Variants in JADE1 observed in about 807,000 individuals in gnomAD.
The protein encoded by JADE1 is protein Jade-1.
Under a neutral mutation model 81.8 loss-of-function variants are expected in JADE1, and 14 were observed. That is an observed-to-expected ratio of 0.17 (90% confidence interval 0.11 to 0.27). The LOEUF (loss-of-function observed/expected upper bound fraction) is 0.27. Among genes scored for constraint, JADE1 ranks in the 10% least tolerant of loss-of-function variants. JADE1 has a pLI of 1.00. For synonymous variants in JADE1, 353 were observed against 391.9 expected (o/e 0.90, Z 1.17); for missense variants, 690 against 1,047.9 (o/e 0.66, Z 4.71).
In JADE1 at chr4:128,838,563, G is replaced by GT. The variant is rs542275635; in HGVS notation, c.53-4385dup. Among the ~76,000 whole-genome samples the GT allele has an allele frequency of 1.1e-4, 17 of 152,268 alleles. 1 individual carries two copies. In the South Asian group the frequency reaches 3.3e-3, roughly 30 times the overall value. ...CAACCCAGTGTAATCTTACCACGCGGTTTTTAACAATAGCAAGCACACTGT... is the reference window on the plus strand; with the variant it reads ...CAACCCAGTGTAATCTTACCACGCGGTTTTTTAACAATAGCAAGCACACTGT... On this transcript the variant is annotated intron_variant, in intron 2 of 10. Coordinates refer to ENST00000226319, the MANE Select transcript of JADE1 (RefSeq NM_199320.4).
Position 128,871,908 on chromosome 4 carries a change from A to C in JADE1, c.2175A>C (p.Leu725=), listed in dbSNP as rs1423603127. 6.2e-7 allele frequency: 1 copy of C among 1,613,950 alleles called. No homozygotes were observed. Among genetic ancestry groups the C allele is most frequent in the Non-Finnish European group, 8.5e-7 (1 of 1,180,010 alleles). ...TAGTGCCCAAGTGCAATGGCTCCCT[A>C]ATCAAAGTAAACTATAATCAGACTG... ...KEIVPKCNGS[L]IKVNYNQTAV... The change falls in exon 11 of 11, where the codon CTA becomes CTC. Residue 725 remains leucine, a synonymous_variant. Coordinates refer to ENST00000226319, the MANE Select transcript of JADE1 (RefSeq NM_199320.4). The surrounding 1 kb of genome is among the most constrained non-coding windows in gnomAD (Gnocchi z 4.1).
chr4:128,867,613 T>C (rs1012159889), intron 9 of JADE1, among the ~76,000 whole-genome samples: 4 of 152,206 alleles, frequency 2.6e-5, no homozygotes, highest in Non-Finnish European at 4.4e-5. Flanking sequence ...TCCCTCCCAC[T>C]CCTGTGGGTC....
chr4:128,872,678 C>T lies in JADE1; in HGVS notation c.*416C>T, dbSNP rs756362770. 40 of 275,130 alleles carry T rather than the reference C, an allele frequency of 1.5e-4. No individual in the cohort carries two copies. Among genetic ancestry groups the T allele is most frequent in the Non-Finnish European group, 6.6e-5 (9 of 135,448 alleles). The allele number at this position is 275,130 out of a possible 1,614,324, so 17.0% of individuals were successfully genotyped here. A position where few individuals can be genotyped will look rare whatever the true frequency, so the allele number is the denominator to read the frequency against. On this transcript the variant is annotated 3_prime_UTR_variant, in exon 11 of 11. Coordinates refer to ENST00000226319, the MANE Select transcript of JADE1 (RefSeq NM_199320.4). ...GAAACCCTCATGGTACCATTCACAG[C>T]CCATAAAGTTTATTTTCTAGGACTG... is the stretch of plus-strand genomic sequence containing the variant.
At chr4:128,812,576 C>T (rs1002540574) in intron 1 of JADE1, among the ~76,000 whole-genome samples, 1 of 152,222 alleles carries the variant, frequency 6.6e-6, no homozygotes, top group African/African-American at 2.4e-5. Flanking sequence ...CCCCAGGATT[C>T]CTCCCGCGCC....
chr4:128,817,551 AGCAAGTT>A (rs1727154321), intron 1 of JADE1, among the ~76,000 whole-genome samples: 1 of 152,258 alleles, frequency 6.6e-6, no homozygotes, highest in African/African-American at 2.4e-5. Context: ...CAATGTTATT[AGCAAGTT>A]GCTTGAGGTT....
chr4:128,810,542 A>C (rs545626983), intron 1 of JADE1, among the ~76,000 whole-genome samples: 55 of 150,488 alleles, frequency 3.7e-4, no homozygotes, highest in Non-Finnish European at 7.7e-4. Flanking sequence ...GACAGATGGC[A>C]ATGGCAGAAC....
Position 128,862,115 on chromosome 4 carries a change from C to T in JADE1, c.1393C>T (p.Pro465Ser). 1.2e-6 allele frequency: 2 copies of T among 1,614,162 alleles called. No homozygotes were observed. The highest frequency in any genetic ancestry group is 1.7e-6 in the Non-Finnish European group (2 of 1,180,026). The change falls in exon 9 of 11, where the codon CCC (proline) becomes TCC (serine). Residue 465 changes from proline (P) to serine (S), a missense_variant. Physicochemically the swap from Pro to Ser is moderately conservative, Grantham distance 74. Coordinates refer to ENST00000226319, the MANE Select transcript of JADE1 (RefSeq NM_199320.4). The part of the protein sequence containing the change: ...KLKRKVNFNK[P>S]LITPKKDEED... ...GAAGAGGAAGGTCAACTTCAACAAG[C>T]CCCTGATCACCCCAAAGAAAGATGA...
chr4:128,812,126 G>C (rs188257689), intron 1 of JADE1, among the ~76,000 whole-genome samples: 2 of 151,866 alleles, frequency 1.3e-5, no homozygotes, highest in African/African-American at 4.8e-5. Flanking sequence ...CTGCCGCGGC[G>C]GGGGGTGGCC....
Position 128,874,213 on chromosome 4 carries a change from A to G in JADE1, c.*1951A>G, listed in dbSNP as rs1478931190. Reference sequence around the variant, plus strand: ...AAAACCTTTTGCTGGATACAGGAGAAGGTTGGACTTTATCTACAGTTATCT... The same window carrying G: ...AAAACCTTTTGCTGGATACAGGAGAGGGTTGGACTTTATCTACAGTTATCT... On this transcript the variant is annotated 3_prime_UTR_variant, in exon 11 of 11. Coordinates refer to ENST00000226319, the MANE Select transcript of JADE1 (RefSeq NM_199320.4). 1 of 152,634 alleles carries G rather than the reference A, an allele frequency of 6.6e-6. No homozygotes were observed. Among genetic ancestry groups the G allele is most frequent in the African/African-American group, 2.4e-5 (1 of 41,452 alleles). 9.5% of individuals were successfully genotyped at this position (152,634 alleles called of 1,614,324 possible).
intron 3 of JADE1, among the ~76,000 whole-genome samples, chr4:128,844,418 C>T (rs2125852655): frequency 6.6e-6 from 1 of 152,320 alleles, no homozygotes; most frequent in South Asian, 2.1e-4. Flanking sequence ...CCAGAGACTC[C>T]AGAGTTGACG....
intron 1 of JADE1, among the ~76,000 whole-genome samples, chr4:128,827,321 A>G (rs951299166): frequency 1.3e-5 from 2 of 152,238 alleles, no homozygotes; most frequent in Non-Finnish European, 2.9e-5. Context: ...AAGTTCTAAA[A>G]GAGGAAGAAA....
chr4:128,851,212 G>A (rs553808732), intron 5 of JADE1, among the ~76,000 whole-genome samples: 2 of 152,330 alleles, frequency 1.3e-5, no homozygotes, highest in Admixed American at 6.5e-5. Context: ...GAGCCATCGC[G>A]CCTGGTGTTT....
rs1732328176 is a variant in JADE1, at chr4:128,873,256, GAAAAAAAAAAAAAAAAGAAAAAAAGA to G, written c.*1004_*1029del. 1 of 28,694 alleles carries G rather than the reference GAAAAAAAAAAAAAAAAGAAAAAAAGA, an allele frequency of 3.5e-5. No homozygotes were observed. The highest frequency in any genetic ancestry group is 7.4e-5 in the Non-Finnish European group (1 of 13,500). The allele number at this position is 28,694 out of a possible 1,614,324, so 1.8% of individuals were successfully genotyped here. On this transcript the variant is annotated 3_prime_UTR_variant, in exon 11 of 11. Coordinates refer to ENST00000226319, the MANE Select transcript of JADE1 (RefSeq NM_199320.4). ...CATGAATGGATTCCTTAAGAAAAAG[GAAAAAAAAAAAAAAAAGAAAAAAAGA>G]AAAAAAAAAGAAAAAAGAAAAAAAG...
At chr4:128,815,664 A>G (rs192152924) in intron 1 of JADE1, among the ~76,000 whole-genome samples, 1 of 152,286 alleles carries the variant, frequency 6.6e-6, no homozygotes, top group Admixed American at 6.5e-5. Context: ...CTGTCTCTTT[A>G]GGGTTTGGTC....
At position 128,845,903 on chromosome 4, in the gene JADE1, G is replaced by C. The variant is rs1367328458; in HGVS notation, c.139-472G>C. 7.9e-5 allele frequency among the ~76,000 whole-genome samples: 12 copies of C among 151,674 alleles called. No individual in the cohort carries two copies. In the South Asian group the frequency reaches 2.5e-3, roughly 32 times the overall value. On this transcript the variant is annotated intron_variant, in intron 3 of 10. Coordinates refer to ENST00000226319, the MANE Select transcript of JADE1 (RefSeq NM_199320.4). ...TGTGTTACCGCACTCCAGCCTGGGT[G>C]ACAGAGCAAGATTCCATCTCAGAAA...
At position 128,871,552 on chromosome 4, in the gene JADE1, G is replaced by A. The variant is rs1732197563; in HGVS notation, c.1819G>A (p.Glu607Lys). Reference protein sequence around the residue: ...RDPLQNSPGSEGKTLLKQPDL... With the variant: ...RDPLQNSPGSKGKTLLKQPDL... ...TCCTTTGCAGAATAGCCCTGGAAGT[G>A]AAGGCAAAACCCTGCTGAAGCAGCC... The change falls in exon 11 of 11, where the codon GAA becomes AAA. Residue 607 changes from glutamate to lysine, a missense_variant. Glu to Lys is a moderately conservative substitution (Grantham distance 56). Coordinates refer to ENST00000226319, the MANE Select transcript of JADE1 (RefSeq NM_199320.4). This position sits in a 1 kb window ranked among gnomAD's most constrained non-coding sequence, Gnocchi z 4.1. 6.2e-7 allele frequency: 1 copy of A among 1,614,056 alleles called. No homozygotes were observed. Among genetic ancestry groups the A allele is most frequent in the East Asian group, 2.2e-5 (1 of 44,888 alleles).
chr4:128,827,586 T>C (rs1392094614), intron 1 of JADE1, among the ~76,000 whole-genome samples: 1 of 152,204 alleles, frequency 6.6e-6, no homozygotes, highest in Admixed American at 6.5e-5. Flanking sequence ...ACTTCATTTT[T>C]GGCTGGACAC....
chr4:128,825,590 A>T (rs1727990416), intron 1 of JADE1, among the ~76,000 whole-genome samples: 2 of 152,162 alleles, frequency 1.3e-5, no homozygotes, highest in African/African-American at 2.4e-5. Flanking sequence ...TGTGCATGTA[A>T]GCAGTAATCT....
chr4:128,866,341 T>G (rs1219660023), intron 9 of JADE1, among the ~76,000 whole-genome samples: 1 of 152,200 alleles, frequency 6.6e-6, no homozygotes, highest in African/African-American at 2.4e-5. Flanking sequence ...GATGGGAAGA[T>G]CCGTAAAGTG....
Sources: allele counts gnomAD v4.1 joint callset (sites outside exome capture counted in the v4.1 genomes callset), GRCh38; gene constraint gnomAD v4.1.1; non-coding constraint Gnocchi (gnomAD v3.1); transcripts MANE v1.5; gene names NCBI Gene and HGNC (gene_info 2026-07-23, HGNC 2026-07-21).